The following TMEM114 variants were observed in gnomAD, a reference collection of about 807,000 sequenced individuals.
TMEM114 encodes the protein transmembrane protein 114.
A neutral mutation model predicts 6.2 loss-of-function variants in TMEM114; 6 were observed. The observed-to-expected ratio is 0.97, with a 90% CI of 0.53 to 1.91. The LOEUF is 1.91. TMEM114 is among the 40% of genes most tolerant of loss of function. TMEM114 has a pLI of 0.01. For synonymous variants in TMEM114, 104 were observed against 73.0 expected, an observed-to-expected ratio of 1.42 and a Z score of -2.16; for missense variants, 218 against 158.3, an observed-to-expected ratio of 1.38 and a Z score of -2.02.
In TMEM114 at chr16:8,569,572, A is replaced by G; in HGVS notation, c.*201T>C. The G allele has an allele frequency of 7.0e-7, 1 of 1,422,306 alleles. No homozygotes were observed. Among genetic ancestry groups the G allele is most frequent in the Non-Finnish European group, 9.2e-7 (1 of 1,091,584 alleles). 88.1% of individuals were successfully genotyped at this position (1,422,306 alleles called of 1,614,324 possible). ...CCTCGGGCTCCTCCAGGCCACACGG[A>G]CACACACGGACATAAGCACACAGGT... On this transcript the variant is annotated 3_prime_UTR_variant, in exon 4 of 4. Coordinates refer to ENST00000620492, the MANE Select transcript of TMEM114 (RefSeq NM_001146336.2).
intron 2 of TMEM114, among the ~76,000 whole-genome samples, chr16:8,540,820 G>T (rs763186601): frequency 1.3e-5 from 2 of 152,238 alleles, no homozygotes; most frequent in African/African-American, 2.4e-5. Flanking sequence ...ACAGAAGAGA[G>T]ATGTAGGATG....
chr16:8,557,978 G>T (rs1156905169), intron 2 of TMEM114, among the ~76,000 whole-genome samples: 1 of 152,176 alleles, frequency 6.6e-6, no homozygotes, highest in Non-Finnish European at 1.5e-5. Flanking sequence ...GTCCAGGCAG[G>T]TGCAGTGGCT....
At chr16:8,556,744 C>T (rs1255312822) in intron 2 of TMEM114, among the ~76,000 whole-genome samples, 1 of 152,144 alleles carries the variant, frequency 6.6e-6, no homozygotes, top group Non-Finnish European at 1.5e-5. Context: ...CTCAGGGGAT[C>T]CACCCGCCTC....
At chr16:8,582,394 C>G (rs1567210913) in intron 2 of TMEM114, among the ~76,000 whole-genome samples, 1 of 152,240 alleles carries the variant, frequency 6.6e-6, no homozygotes, top group African/African-American at 2.4e-5. Context: ...TCAGTCCTGC[C>G]TCATGGCTCT....
chr16:8,543,850 A>G (rs950963739), intron 2 of TMEM114, among the ~76,000 whole-genome samples: 1 of 152,212 alleles, frequency 6.6e-6, no homozygotes, highest in African/African-American at 2.4e-5. Context: ...TATTCTCTAT[A>G]GCTACTAGAG....
chr16:8,555,767 G>C (rs995972792), intron 2 of TMEM114, among the ~76,000 whole-genome samples: 1 of 152,324 alleles, frequency 6.6e-6, no homozygotes, highest in African/African-American at 2.4e-5. Flanking sequence ...ATTGCAAAGG[G>C]GGGATGCAGT....
intron 2 of TMEM114, among the ~76,000 whole-genome samples, chr16:8,577,729 G>A (rs534784885): frequency 2.2e-4 from 34 of 151,880 alleles, no homozygotes; most frequent in Admixed American, 5.9e-4. Flanking sequence ...GACTATAGGC[G>A]CCCGCCATCC....
chr16:8,557,353 G>A (rs1901047472), intron 2 of TMEM114, among the ~76,000 whole-genome samples: 1 of 152,248 alleles, frequency 6.6e-6, no homozygotes, highest in South Asian at 2.1e-4. Flanking sequence ...TTGTCAGGAA[G>A]CCCAGTGTAG....
intron 2 of TMEM114, among the ~76,000 whole-genome samples, chr16:8,550,893 G>C (rs1481702024): frequency 6.6e-6 from 1 of 152,258 alleles, no homozygotes; most frequent in East Asian, 1.9e-4. Flanking sequence ...CTCCTCCTGA[G>C]AGAACCGCAG....
At chr16:8,543,870 G>A (rs772285884) in intron 2 of TMEM114, among the ~76,000 whole-genome samples, 1 of 152,118 alleles carries the variant, frequency 6.6e-6, no homozygotes, top group South Asian at 2.1e-4. Flanking sequence ...GTAACCTAAC[G>A]CTTTGTCAAA....
chr16:8,581,759 T>G (rs928683230), intron 2 of TMEM114, among the ~76,000 whole-genome samples: 2 of 152,266 alleles, frequency 1.3e-5, no homozygotes, highest in African/African-American at 4.8e-5. Flanking sequence ...CAGCCAGAAG[T>G]GGACTTACTT....
At chr16:8,575,906 G>T (rs1567208569) in intron 2 of TMEM114, among the ~76,000 whole-genome samples, 2 of 152,186 alleles carry the variant, frequency 1.3e-5, no homozygotes, top group Admixed American at 6.5e-5. Flanking sequence ...CTCAGGCCGG[G>T]AGACCTGATT....
downstream of TMEM114, among the ~76,000 whole-genome samples, chr16:8,565,743 A>C (rs1308418420): frequency 3.3e-5 from 5 of 152,072 alleles, no homozygotes; most frequent in African/African-American, 1.2e-4. Flanking sequence ...AGTGGTTCTT[A>C]CCTCCCCTGC....
chr16:8,557,198 G>A (rs1483908725), intron 2 of TMEM114, among the ~76,000 whole-genome samples: 1 of 152,226 alleles, frequency 6.6e-6, no homozygotes, highest in South Asian at 2.1e-4. Flanking sequence ...ATCAGAACAG[G>A]CTGTAACTGT....
intron 2 of TMEM114, among the ~76,000 whole-genome samples, chr16:8,546,315 C>G (rs190822996): frequency 6.6e-6 from 1 of 152,166 alleles, no homozygotes; most frequent in Non-Finnish European, 1.5e-5. Context: ...CTAATTGTCA[C>G]CTGTCAGCAA....
the TMEM114 span, among the ~76,000 whole-genome samples, chr16:8,528,035 C>T: frequency 5.9e-5 from 9 of 152,254 alleles, no homozygotes; most frequent in African/African-American, 1.4e-4. Flanking sequence ...CAGCTTCCTG[C>T]GTAGCTGGGA....
At chr16:8,555,983 C>G (rs1046674084) in intron 2 of TMEM114, among the ~76,000 whole-genome samples, 1 of 152,212 alleles carries the variant, frequency 6.6e-6, no homozygotes, top group Non-Finnish European at 1.5e-5. Context: ...GCGCTGTCTT[C>G]CAGCATGAAT....
chr16:8,558,417 G>A (rs1471225515), intron 2 of TMEM114, among the ~76,000 whole-genome samples: 1 of 151,718 alleles, frequency 6.6e-6, no homozygotes, highest in Non-Finnish European at 1.5e-5. Context: ...GTCTTCATGT[G>A]GCCTTCTCTC....
intron 2 of TMEM114, among the ~76,000 whole-genome samples, chr16:8,545,860 A>G (rs1900650495): frequency 6.6e-6 from 1 of 152,116 alleles, no homozygotes; most frequent in Non-Finnish European, 1.5e-5. Flanking sequence ...CATGCCTGTA[A>G]TCCCAGCACT....
Sources: allele counts gnomAD v4.1 joint callset (sites outside exome capture counted in the v4.1 genomes callset), GRCh38; gene constraint gnomAD v4.1.1; transcripts MANE v1.5; gene names NCBI Gene and HGNC (gene_info 2026-07-23, HGNC 2026-07-21).